Variants in SYT1 observed in about 807,000 individuals in gnomAD.
SYT1 encodes synaptotagmin 1.
Under a neutral mutation model 44.8 loss-of-function variants are expected in SYT1, and 8 were observed. That is an observed-to-expected ratio of 0.18 (90% CI 0.10 to 0.32). The LOEUF (loss-of-function observed/expected upper bound fraction) is 0.32, where lower values mean the gene tolerates loss of function less well. SYT1 is among the 10% of genes least tolerant of loss of function. The probability of loss-of-function intolerance (pLI) is 1.00; values close to 1 mark genes in which losing one functional copy is unlikely to be tolerated. For synonymous variants in SYT1, 154 were observed against 188.8 expected, an observed-to-expected ratio of 0.82 and a Z score of 1.51; for missense variants, 286 against 509.3, an observed-to-expected ratio of 0.56 and a Z score of 4.22.
At chr12:79,235,759 A>G (rs2138633398) in intron 4 of SYT1, among the ~76,000 whole-genome samples, 1 of 151,960 alleles carries the variant, frequency 6.6e-6, no homozygotes. Flanking sequence ...ATCAAAGAAG[A>G]TATGAATGGC....
chr12:78,883,637 C>T (rs1874582530), intron 1 of SYT1, among the ~76,000 whole-genome samples: 1 of 151,514 alleles, frequency 6.6e-6, no homozygotes, highest in Non-Finnish European at 1.5e-5. Context: ...TAATATATTC[C>T]AATTTCTCTT....
At chr12:78,983,995 C>T (rs143552562) in intron 2 of SYT1, among the ~76,000 whole-genome samples, 13 of 151,424 alleles carry the variant, frequency 8.6e-5, no homozygotes, top group African/African-American at 3.1e-4. Flanking sequence ...TCAGTGAATC[C>T]AAGAATAATA....
chr12:78,922,114 T>C (rs1021664562), intron 1 of SYT1, among the ~76,000 whole-genome samples: 5 of 152,118 alleles, frequency 3.3e-5, no homozygotes, highest in African/African-American at 1.2e-4. Context: ...CTTTTCTCCA[T>C]GCAATTCCAA....
At chr12:79,076,099 AC>A (rs1876629617) in intron 3 of SYT1, among the ~76,000 whole-genome samples, 1 of 152,104 alleles carries the variant, frequency 6.6e-6, no homozygotes, top group Non-Finnish European at 1.5e-5. Context: ...GAAACCTATG[AC>A]CTTTTTGCTA....
At chr12:78,920,113 A>G (rs1265551076) in intron 1 of SYT1, among the ~76,000 whole-genome samples, 1 of 152,000 alleles carries the variant, frequency 6.6e-6, no homozygotes, top group Non-Finnish European at 1.5e-5. Context: ...AAATAAAATA[A>G]ATTTTCAGTT....
intron 1 of SYT1, among the ~76,000 whole-genome samples, chr12:78,908,075 G>C (rs1337961423): frequency 9.2e-5 from 14 of 151,958 alleles, no homozygotes; most frequent in Non-Finnish European, 1.6e-4. Context: ...ATCACACCAA[G>C]CTATTAAAAT....
intron 3 of SYT1, among the ~76,000 whole-genome samples, chr12:79,099,635 A>T (rs1189981290): frequency 6.6e-6 from 1 of 151,694 alleles, no homozygotes. Context: ...TGAAGAATAT[A>T]TTGATAAATA....
intron 1 of SYT1, among the ~76,000 whole-genome samples, chr12:78,872,269 G>A (rs1202343211): frequency 6.6e-6 from 1 of 151,590 alleles, no homozygotes; most frequent in Non-Finnish European, 1.5e-5. Flanking sequence ...TTTTTCTGGA[G>A]AATCTTAGAT....
intron 3 of SYT1, among the ~76,000 whole-genome samples, chr12:79,063,469 C>A (rs920952209): frequency 6.6e-6 from 1 of 152,134 alleles, no homozygotes; most frequent in South Asian, 2.1e-4. Flanking sequence ...CCCAGGATCC[C>A]AGCCCGTGGC....
intron 3 of SYT1, among the ~76,000 whole-genome samples, chr12:79,169,757 G>GTT (rs1871405318): frequency 1.3e-5 from 2 of 151,888 alleles, no homozygotes; most frequent in Non-Finnish European, 2.9e-5. Flanking sequence ...AGGTAAACTT[G>GTT]TGTTATGTGG....
chr12:78,880,375 TTA>T (rs1874387048), intron 1 of SYT1, among the ~76,000 whole-genome samples: 1 of 151,664 alleles, frequency 6.6e-6, no homozygotes, highest in Non-Finnish European at 1.5e-5. Context: ...TGTAGTACAT[TTA>T]TATCTCCTCC....
At chr12:79,379,714 T>C (rs1884141490) in intron 9 of SYT1, among the ~76,000 whole-genome samples, 1 of 152,192 alleles carries the variant, frequency 6.6e-6, no homozygotes, top group South Asian at 2.1e-4. Flanking sequence ...AATAGAAATC[T>C]AGCTTTGATA....
At chr12:79,334,176 CCAACTAACTCCAAA>C (rs1279617886) in intron 8 of SYT1, among the ~76,000 whole-genome samples, 2 of 151,946 alleles carry the variant, frequency 1.3e-5, no homozygotes, top group Non-Finnish European at 2.9e-5. Context: ...ATGGTCTTGA[CCAACTAACTCCAAA>C]CTTTTCTTAC....
At chr12:79,290,242 T>C (rs1305826363) in intron 5 of SYT1, among the ~76,000 whole-genome samples, 1 of 152,200 alleles carries the variant, frequency 6.6e-6, no homozygotes, top group Non-Finnish European at 1.5e-5. Flanking sequence ...CCTTCCCACC[T>C]GAATGAGTTC....
Position 79,329,052 on chromosome 12 carries a change from C to A in SYT1, c.811-24450C>A, listed in dbSNP as rs115108162. Among the ~76,000 whole-genome samples the A allele has an allele frequency of 3.3e-3, 507 of 152,172 alleles. 2 individuals carry two copies. Among genetic ancestry groups the A allele is most frequent in the African/African-American group, 0.011 (454 of 41,524 alleles). On this transcript the variant is annotated intron_variant, in intron 8 of 10. Coordinates refer to ENST00000261205, the MANE Select transcript of SYT1 (RefSeq NM_005639.3). Reference sequence around the variant, plus strand: ...CAGTTAGCAGCCAGGTATAACAAACCGCTACAATCATCCGCTCTTTATTGT... The same window carrying A: ...CAGTTAGCAGCCAGGTATAACAAACAGCTACAATCATCCGCTCTTTATTGT...
Position 78,931,238 on chromosome 12 carries a change from A to AGAAAGAAAG in SYT1, c.-216-46558_-216-46557insAGAAAGGAA, listed in dbSNP as rs1877667216. Among the ~76,000 whole-genome samples the AGAAAGAAAG allele has an allele frequency of 6.6e-4, 27 of 41,130 alleles. 1 individual carries two copies. Among genetic ancestry groups the AGAAAGAAAG allele is most frequent in the East Asian group, 3.3e-3 (3 of 896 alleles). The allele number at this position is 41,130 out of a possible 152,430, so 27.0% of individuals were successfully genotyped here. On this transcript the variant is annotated intron_variant, in intron 1 of 10. Transcript: ENST00000261205. ...AAGAAAGAAAGAAAGAAAGAAAGAA[A>AGAAAGAAAG]GAAGGAAGGAAGGAAGGAAGGAAGG...
intron 2 of SYT1, among the ~76,000 whole-genome samples, chr12:79,042,837 A>C (rs1009536218): frequency 6.6e-6 from 1 of 151,518 alleles, no homozygotes; most frequent in Non-Finnish European, 1.5e-5. Context: ...CTTTGTTCTC[A>C]TTGGTTTCAA....
intron 4 of SYT1, among the ~76,000 whole-genome samples, chr12:79,237,131 C>T (rs571235257): frequency 2.6e-5 from 4 of 152,212 alleles, no homozygotes; most frequent in South Asian, 2.1e-4. Context: ...CTAGCAAAAG[C>T]GCAGATGTGA....
intron 1 of SYT1, among the ~76,000 whole-genome samples, chr12:78,872,494 A>C (rs1279176389): frequency 1.3e-5 from 2 of 151,974 alleles, no homozygotes; most frequent in East Asian, 3.9e-4. Context: ...CACAGCCTGA[A>C]TAGGAAAGAT....
Sources: allele counts gnomAD v4.1 joint callset (sites outside exome capture counted in the v4.1 genomes callset), GRCh38; gene constraint gnomAD v4.1.1; transcripts MANE v1.5; gene names NCBI Gene and HGNC (gene_info 2026-07-23, HGNC 2026-07-21).